CHEK1: variants seen among roughly 807,000 people sequenced by gnomAD.
The protein encoded by CHEK1 is serine/threonine-protein kinase Chk1.
CHEK1 carries 32 observed loss-of-function variants against 60.2 expected under a neutral mutation model. That is an observed-to-expected ratio of 0.53 (90% CI 0.40 to 0.71). CHEK1 has a LOEUF of 0.71. Ranked by LOEUF, CHEK1 falls within the 30% of genes least tolerant of loss-of-function variation. The pLI is 0.00. For synonymous variants in CHEK1, 179 were observed against 187.2 expected, an observed-to-expected ratio of 0.96 and a Z score of 0.36; for missense variants, 399 against 564.6, an observed-to-expected ratio of 0.71 and a Z score of 2.97.
At chr11:125,639,388 T>TTC in intron 8 of CHEK1, among the ~76,000 whole-genome samples, 1 of 145,168 alleles carries the variant, frequency 6.9e-6, no homozygotes, top group African/African-American at 2.6e-5. Flanking sequence ...TTCTCTTTTT[T>TTC]TTTTTTTTTT....
At chr11:125,645,460 C>T (rs1941466934) in intron 11 of CHEK1, among the ~76,000 whole-genome samples, 1 of 151,976 alleles carries the variant, frequency 6.6e-6, no homozygotes, top group Admixed American at 6.6e-5. Flanking sequence ...CTGTTTTTTA[C>T]TCAAGGAGAC....
chr11:125,635,353 GATTT>G, intron 6 of CHEK1, 72 bp from the exon 7 acceptor site: 1 of 931,728 alleles, frequency 1.1e-6, no homozygotes, highest in Non-Finnish European at 1.6e-6. Flanking sequence ...ACTTTTCATG[GATTT>G]ATATTATTAT....
In CHEK1 at chr11:125,625,657, A is replaced by C. The variant is rs1297916010; in HGVS notation, c.-376A>C. ...CAGCGCGGTCGGTCGCGCGCCCCTG[A>C]GGCTTGGAGGCCTGGGCTTCCCCCA... On this transcript the variant is annotated 5_prime_UTR_variant, in exon 1 of 13. Transcript: ENST00000438015. 7 of 600,672 alleles carry C rather than the reference A, an allele frequency of 1.2e-5. No individual in the cohort carries two copies. In the African/African-American group the frequency reaches 1.3e-4, roughly 11 times the overall value. 37.2% of individuals were successfully genotyped at this position (600,672 alleles called of 1,614,324 possible).
intron 13 of CHEK1, chr11:125,672,799 A>C (rs1942266015): frequency 6.5e-7 from 1 of 1,545,806 alleles, no homozygotes; most frequent in Admixed American, 1.9e-5. Context: ...CAGTGTCTCC[A>C]TGCAGGATGG....
chr11:125,659,888 C>G (rs1941980801), downstream of CHEK1, among the ~76,000 whole-genome samples: 1 of 152,140 alleles, frequency 6.6e-6, no homozygotes. Context: ...CCTCCAGTCT[C>G]TGGAAAATAC....
intron 8 of CHEK1, among the ~76,000 whole-genome samples, chr11:125,639,387 T>TC (rs1373418490): frequency 2.1e-5 from 3 of 144,512 alleles, no homozygotes; most frequent in Non-Finnish European, 4.6e-5. Context: ...TTTCTCTTTT[T>TC]TTTTTTTTTT....
downstream of CHEK1, among the ~76,000 whole-genome samples, chr11:125,679,138 C>T (rs1442408332): frequency 1.3e-5 from 2 of 150,216 alleles, no homozygotes; most frequent in East Asian, 1.9e-4. Context: ...TTTCTTCCCA[C>T]CTTACACTGG....
downstream of CHEK1, among the ~76,000 whole-genome samples, chr11:125,660,898 C>T (rs1942000963): frequency 2.0e-5 from 3 of 152,116 alleles, no homozygotes; most frequent in South Asian, 6.2e-4. Flanking sequence ...GCCTCAGCCT[C>T]CCGAGTAGCT....
chr11:125,669,639 T>C (rs867390688), intron 13 of CHEK1, among the ~76,000 whole-genome samples: 1 of 148,812 alleles, frequency 6.7e-6, no homozygotes, highest in Non-Finnish European at 1.5e-5. Flanking sequence ...TTCTCCTGCC[T>C]CAGCCTTCCA....
chr11:125,659,130 T>TC (rs1484636586), downstream of CHEK1, among the ~76,000 whole-genome samples: 1 of 152,210 alleles, frequency 6.6e-6, no homozygotes, highest in East Asian at 1.9e-4. Flanking sequence ...TTATTTTTTT[T>TC]CACTAGTCTT....
chr11:125,676,937 CCTT>C (rs772732687), downstream of CHEK1, among the ~76,000 whole-genome samples: 69 of 152,070 alleles, frequency 4.5e-4, no homozygotes, highest in Non-Finnish European at 8.2e-4. Flanking sequence ...AAGAGTGTGT[CCTT>C]CTCCATTTTC....
chr11:125,645,211 G>A (rs1941456016), intron 11 of CHEK1, among the ~76,000 whole-genome samples: 2 of 151,902 alleles, frequency 1.3e-5, no homozygotes, highest in Non-Finnish European at 2.9e-5. Flanking sequence ...ATAGTAGGGA[G>A]CTGGAATCAT....
chr11:125,640,402 G>A (rs1941242917), intron 8 of CHEK1, among the ~76,000 whole-genome samples: 2 of 151,800 alleles, frequency 1.3e-5, no homozygotes, highest in Admixed American at 6.5e-5. Flanking sequence ...TTAGCCGGGC[G>A]AGGTGGCGGT....
chr11:125,634,277 T>C (rs1234147310), intron 6 of CHEK1, among the ~76,000 whole-genome samples: 1 of 151,818 alleles, frequency 6.6e-6, no homozygotes, highest in Non-Finnish European at 1.5e-5. Context: ...TTTGGGTTTT[T>C]TGTTAAATGA....
At chr11:125,628,684 G>GC (rs1413480355) in intron 3 of CHEK1, among the ~76,000 whole-genome samples, 2 of 152,178 alleles carry the variant, frequency 1.3e-5, no homozygotes, top group Non-Finnish European at 2.9e-5. Flanking sequence ...TACTTAGGAG[G>GC]CAGGAGGATT....
Position 125,625,763 on chromosome 11 carries a change from G to A in CHEK1, c.-270G>A, listed in dbSNP as rs1429498061. ...GGCCCAGAGCTCAATTCGCGCCGAT[G>A]CGGTCCGCCGTCCTTAAATCTCTTC... On this transcript the variant is annotated 5_prime_UTR_variant, in exon 1 of 13. The change abolishes an upstream ATG in the 5' untranslated region. Transcript: ENST00000438015. 1.5e-6 allele frequency: 1 copy of A among 686,100 alleles called. No individual in the cohort carries two copies. The highest frequency in any genetic ancestry group is 1.8e-5 in the African/African-American group (1 of 56,864). 42.5% of individuals were successfully genotyped at this position (686,100 alleles called of 1,614,324 possible). A position where few individuals can be genotyped will look rare whatever the true frequency, so the allele number is the denominator to read the frequency against.
In CHEK1 at chr11:125,643,868, T is replaced by C; in HGVS notation, c.891T>C (p.Asn297=). ...GATTTTCTAAGCACATTCAATCCAA[T>C]TTGGACTTCTCTCCAGTAAACAGTG... is the stretch of plus-strand genomic sequence containing the variant. ...PSGFSKHIQS[N]LDFSPVNSAS... Residue 297 remains asparagine, a synonymous_variant, in exon 9 of 13, where the codon AAT becomes AAC. Coordinates refer to ENST00000438015, the MANE Select transcript of CHEK1 (RefSeq NM_001114122.3). The C allele has an allele frequency of 6.2e-7, 1 of 1,614,100 alleles. No individual in the cohort carries two copies. The highest frequency in any genetic ancestry group is 8.5e-7 in the Non-Finnish European group (1 of 1,179,992).
downstream of CHEK1, among the ~76,000 whole-genome samples, chr11:125,660,182 GT>G (rs1941986768): frequency 6.6e-6 from 1 of 152,130 alleles, no homozygotes; most frequent in African/African-American, 2.4e-5. Flanking sequence ...CACATTTTCA[GT>G]TTTCTTGGGT....
chr11:125,633,127 T>G (rs1236758523), intron 5 of CHEK1, 36 bp from the exon 6 acceptor site: 2 of 1,534,994 alleles, frequency 1.3e-6, no homozygotes, highest in Non-Finnish European at 8.7e-7. Context: ...TGCAAAACAT[T>G]TTTATTCAGT....
Sources: allele counts gnomAD v4.1 joint callset (sites outside exome capture counted in the v4.1 genomes callset), GRCh38; gene constraint gnomAD v4.1.1; transcripts MANE v1.5; gene names NCBI Gene and HGNC (gene_info 2026-07-23, HGNC 2026-07-21).